Variants in LMO3 observed in about 807,000 individuals in gnomAD.
The protein encoded by LMO3 is LIM domain only protein 3.
LMO3 carries 2 observed loss-of-function variants against 15.8 expected under a neutral mutation model. The observed-to-expected ratio is 0.13, with a 90% confidence interval of 0.05 to 0.40. LMO3 has a LOEUF of 0.40. Ranked by LOEUF, LMO3 falls within the 10% of genes least tolerant of loss-of-function variation. The probability of loss-of-function intolerance (pLI) is 0.99; values close to 1 mark genes in which losing one functional copy is unlikely to be tolerated. For missense variants in LMO3, 86 were observed against 182.2 expected (o/e 0.47, Z 3.04); for synonymous variants, 62 against 63.8 (o/e 0.97, Z 0.13).
At chr12:16,602,310 T>A (rs1017675389) in intron 1 of LMO3, 1 of 122,746 alleles carries the variant, frequency 8.1e-6, no homozygotes, top group Non-Finnish European at 1.9e-5. Flanking sequence ...TTCACCCCCA[T>A]CACAACTTTC....
Position 16,589,840 on chromosome 12 carries a change from C to A in LMO3, c.206+10815G>T, listed in dbSNP as rs1943435658. Among the ~76,000 whole-genome samples, 1 of 152,010 alleles carries A rather than the reference C, an allele frequency of 6.6e-6. No individual in the cohort carries two copies. The highest frequency in any genetic ancestry group is 2.4e-5 in the African/African-American group (1 of 41,398). ...AGAGGGGGACTGTTAGAAATTGTAACAGAAAAAAGCCCCCAAGATGCAGAC... is the reference window on the plus strand; with the variant it reads ...AGAGGGGGACTGTTAGAAATTGTAAAAGAAAAAAGCCCCCAAGATGCAGAC... On this transcript the variant is annotated intron_variant, in intron 2 of 3. Coordinates refer to ENST00000537304, the MANE Select transcript of LMO3 (RefSeq NM_018640.5). The surrounding 1 kb of genome is among the most constrained non-coding windows in gnomAD (Gnocchi z 4.2).
At chr12:16,564,197 T>C (rs1942507521) in intron 2 of LMO3, among the ~76,000 whole-genome samples, 1 of 152,220 alleles carries the variant, frequency 6.6e-6, no homozygotes, top group African/African-American at 2.4e-5. Context: ...ACTTTCTAAC[T>C]TTCTTAGGGG....
In LMO3 at chr12:16,585,493, C is replaced by T. The variant is rs1249514074; in HGVS notation, c.206+15162G>A. On this transcript the variant is annotated intron_variant, in intron 2 of 3. Transcript: ENST00000537304. This position sits in a 1 kb window ranked among gnomAD's most constrained non-coding sequence, Gnocchi z 4.7. The stretch of plus-strand genomic sequence containing the variant: ...ATTGTTCCCAAATATTATTCAAATT[C>T]ACCTAATTTTACATATAATTGCAGA... Among the ~76,000 whole-genome samples, 1 of 152,142 alleles carries T rather than the reference C, an allele frequency of 6.6e-6. No individual in the cohort carries two copies. Among genetic ancestry groups the T allele is most frequent in the African/African-American group, 2.4e-5 (1 of 41,412 alleles).
chr12:16,568,056 A>G (rs766683260), intron 2 of LMO3, among the ~76,000 whole-genome samples: 13 of 152,220 alleles, frequency 8.5e-5, no homozygotes, highest in Non-Finnish European at 1.9e-4. Flanking sequence ...TAGACTTAGT[A>G]CTACACTGGC....
intron 2 of LMO3, among the ~76,000 whole-genome samples, chr12:16,583,170 T>C (rs561961266): frequency 6.6e-6 from 1 of 152,000 alleles, no homozygotes; most frequent in South Asian, 2.1e-4. Context: ...TGATCCCGGA[T>C]AAAATGCCCA....
intron 3 of LMO3, among the ~76,000 whole-genome samples, chr12:16,553,152 T>A (rs1942055187): frequency 6.6e-6 from 1 of 152,092 alleles, no homozygotes; most frequent in African/African-American, 2.4e-5. Context: ...ATTCCCTACA[T>A]CCAACCTAGA....
At chr12:16,569,247 A>G (rs990790079) in intron 2 of LMO3, among the ~76,000 whole-genome samples, 1 of 152,218 alleles carries the variant, frequency 6.6e-6, no homozygotes, top group African/African-American at 2.4e-5. Flanking sequence ...AGCTAGCAAG[A>G]GAACCTATAT....
intron 3 of LMO3, among the ~76,000 whole-genome samples, chr12:16,553,030 AG>A (rs1942049731): frequency 6.6e-6 from 1 of 152,164 alleles, no homozygotes; most frequent in African/African-American, 2.4e-5. Flanking sequence ...GGCAAGGAGT[AG>A]AAATGAAATA....
At chr12:16,571,041 A>G (rs1273718843) in intron 2 of LMO3, among the ~76,000 whole-genome samples, 1 of 152,132 alleles carries the variant, frequency 6.6e-6, no homozygotes, top group Non-Finnish European at 1.5e-5. Context: ...AATAATAATA[A>G]ATTTTAAAAA....
At position 16,560,538 on chromosome 12, in the gene LMO3, C is replaced by T. The variant is rs748541526; in HGVS notation, c.207G>A (p.Arg69=). ...CGCAGTTTCCCGTTACACCAAAGAG[C>T]CTAGAATAAGAAACATTTTTTTTTT... is the stretch of plus-strand genomic sequence containing the variant. ...NLILCRRDYL[R]LFGVTGNCAA... The change falls in exon 3 of 4, where the codon AGG becomes AGA. Residue 69 remains arginine, a splice_region_variant and synonymous_variant. Coordinates refer to ENST00000537304, the MANE Select transcript of LMO3 (RefSeq NM_018640.5). The surrounding 1 kb of genome is among the most constrained non-coding windows in gnomAD (Gnocchi z 5.0). 3.1e-6 allele frequency: 5 copies of T among 1,593,990 alleles called. No homozygotes were observed. The highest frequency in any genetic ancestry group is 1.7e-4 in the Middle Eastern group (1 of 5,960).
chr12:16,589,621 TGTTTAATAACTATCACTGACAA>T lies in LMO3; in HGVS notation c.206+11012_206+11033del, dbSNP rs1274880324. ...CATCTCTATTATAAAGACAGTGGTT[TGTTTAATAACTATCACTGACAA>T]GATTATTTCAGATTATTTAAACACC... On this transcript the variant is annotated intron_variant, in intron 2 of 3. Coordinates refer to ENST00000537304, the MANE Select transcript of LMO3 (RefSeq NM_018640.5). This position sits in a 1 kb window ranked among gnomAD's most constrained non-coding sequence, Gnocchi z 4.2. 1.3e-5 allele frequency: 2 copies of T among 152,166 alleles called. No homozygotes were observed. The highest frequency in any genetic ancestry group is 2.9e-5 in the Non-Finnish European group (2 of 68,020). The allele number at this position is 152,166 out of a possible 1,614,324, so 9.4% of individuals were successfully genotyped here.
At position 16,564,168 on chromosome 12, in the gene LMO3, T is replaced by C. The variant is rs543363127; in HGVS notation, c.207-3630A>G. Among the ~76,000 whole-genome samples, 16 of 152,300 alleles carry C rather than the reference T, an allele frequency of 1.1e-4. No individual in the cohort carries two copies. The East Asian group carries it at 2.1e-3, about 20-fold the overall frequency. On this transcript the variant is annotated intron_variant, in intron 2 of 3. Coordinates refer to ENST00000537304, the MANE Select transcript of LMO3 (RefSeq NM_018640.5). ...TTGTCTATCTAAAAACAGACATGAA[T>C]ATAAAAATCAAACAGACAACTTTCT...
chr12:16,578,537 G>A (rs761387482), intron 2 of LMO3, among the ~76,000 whole-genome samples: 1 of 152,064 alleles, frequency 6.6e-6, no homozygotes, highest in Non-Finnish European at 1.5e-5. Context: ...ATCACATTAG[G>A]CCGGGCGCCG....
chr12:16,601,569 T>C (rs1943825750), intron 1 of LMO3, among the ~76,000 whole-genome samples: 1 of 152,224 alleles, frequency 6.6e-6, no homozygotes, highest in Admixed American at 6.5e-5. Context: ...CTATATACTA[T>C]ATGCTTTTAT....
intron 2 of LMO3, among the ~76,000 whole-genome samples, chr12:16,570,464 AAAAT>A (rs1472587166): frequency 6.6e-6 from 1 of 152,164 alleles, no homozygotes; most frequent in Non-Finnish European, 1.5e-5. Context: ...ACAGAAAAGA[AAAAT>A]AAAGAAAATG....
Position 16,584,441 on chromosome 12 carries a change from A to T in LMO3, c.206+16214T>A, listed in dbSNP as rs1699887683. Among the ~76,000 whole-genome samples the T allele has an allele frequency of 6.6e-6, 1 of 152,248 alleles. No homozygotes were observed. Among genetic ancestry groups the T allele is most frequent in the Admixed American group, 6.5e-5 (1 of 15,276 alleles). ...CATCTGGCCAAAAGATTGTGGACAC[A>T]GCAAAAGTTATTGACAAGGACATGA... On this transcript the variant is annotated intron_variant, in intron 2 of 3. Transcript: ENST00000537304. This position sits in a 1 kb window ranked among gnomAD's most constrained non-coding sequence, Gnocchi z 5.2.
Position 16,560,153 on chromosome 12 carries a change from T to TAAAAG in LMO3, c.332+255_332+259dup, listed in dbSNP as rs554754377. Among the ~76,000 whole-genome samples the TAAAAG allele has an allele frequency of 9.9e-4, 151 of 152,172 alleles. 2 individuals carry two copies. The highest frequency in any genetic ancestry group is 3.6e-3 in the African/African-American group (149 of 41,516). On this transcript the variant is annotated intron_variant, in intron 3 of 3. Transcript: ENST00000537304. This position sits in a 1 kb window ranked among gnomAD's most constrained non-coding sequence, Gnocchi z 5.0. ...GGAAAATAATAAAAGAAGGAATGAG[T>TAAAAG]AAAAGAAGTCAGAGTTTACGGTAGT... is the stretch of plus-strand genomic sequence containing the variant.
rs889556654 is a variant in LMO3, at chr12:16,555,225, A to C, written c.333-3898T>G. On this transcript the variant is annotated intron_variant, in intron 3 of 3. Transcript: ENST00000537304. The surrounding 1 kb of genome is among the most constrained non-coding windows in gnomAD (Gnocchi z 5.5). The stretch of plus-strand genomic sequence containing the variant: ...TTTACTTAAGTTGTTCCCTAGCAAG[A>C]AATATTTCTCCCCTTTTTCTGTCTA... Among the ~76,000 whole-genome samples the C allele has an allele frequency of 1.4e-4, 22 of 152,228 alleles. No homozygotes were observed. Among genetic ancestry groups the C allele is most frequent in the African/African-American group, 5.1e-4 (21 of 41,460 alleles).
chr12:16,604,256 A>G lies in LMO3; in HGVS notation c.-9+1810T>C, dbSNP rs1011939192. Among the ~76,000 whole-genome samples the G allele has an allele frequency of 2.0e-5, 3 of 152,042 alleles. No homozygotes were observed. The highest frequency in any genetic ancestry group is 2.0e-4 in the Admixed American group (3 of 15,270). ...GCATCCCTACAGGCTGCAGCCCCCT[A>G]AGGGACAACAATGCAAATAGATGTC... On this transcript the variant is annotated intron_variant, in intron 1 of 3. Transcript: ENST00000537304. The surrounding 1 kb of genome is among the most constrained non-coding windows in gnomAD (Gnocchi z 5.3).
Sources: allele counts gnomAD v4.1 joint callset (sites outside exome capture counted in the v4.1 genomes callset), GRCh38; gene constraint gnomAD v4.1.1; non-coding constraint Gnocchi (gnomAD v3.1); transcripts MANE v1.5; gene names NCBI Gene and HGNC (gene_info 2026-07-23, HGNC 2026-07-21).